BDH1: variants seen among roughly 807,000 people sequenced by gnomAD.
BDH1 encodes the protein D-beta-hydroxybutyrate dehydrogenase, mitochondrial.
BDH1 carries 30 observed loss-of-function variants against 33.1 expected under a neutral mutation model. The ratio of observed to expected loss-of-function variants is 0.91; its 90% CI spans 0.68 to 1.23. The LOEUF is 1.23. BDH1 is among the 50% of genes most tolerant of loss of function. The pLI is 0.00. For synonymous variants in BDH1, 190 were observed against 183.6 expected, an observed-to-expected ratio of 1.03 and a Z score of -0.28; for missense variants, 443 against 464.4, an observed-to-expected ratio of 0.95 and a Z score of 0.42.
chr3:197,529,785 C>T (rs1714471961), intron 5 of BDH1: 1 of 152,098 alleles, frequency 6.6e-6, no homozygotes, highest in South Asian at 2.1e-4. Context: ...TGAAATTTTA[C>T]GTTGGGTATC....
At chr3:197,533,689 T>G in intron 3 of BDH1, 128 bp from the exon 4 acceptor site, 1 of 815,186 alleles carries the variant, frequency 1.2e-6, no homozygotes. Flanking sequence ...TACAACTGAG[T>G]AAGAGGCCCT....
chr3:197,568,239 C>T (rs1369818276), intron 1 of BDH1, among the ~76,000 whole-genome samples: 1 of 152,132 alleles, frequency 6.6e-6, no homozygotes, highest in South Asian at 2.1e-4. Flanking sequence ...GCCCCAAACC[C>T]CACAGTCTTC....
At chr3:197,553,283 C>G (rs1414999302) in intron 2 of BDH1, among the ~76,000 whole-genome samples, 1 of 149,986 alleles carries the variant, frequency 6.7e-6, no homozygotes, top group Non-Finnish European at 1.5e-5. Flanking sequence ...GTAATCCCAG[C>G]ACTTTGGGAG....
At chr3:197,546,326 T>TC in intron 3 of BDH1, 35 bp downstream of exon 3, 12 of 1,606,150 alleles carry the variant, frequency 7.5e-6, no homozygotes, top group Non-Finnish European at 1.0e-5. Context: ...TCAGAAAGTG[T>TC]CCCCTCAAGG....
intron 2 of BDH1, among the ~76,000 whole-genome samples, chr3:197,553,085 T>C (rs988088701): frequency 6.6e-6 from 1 of 152,104 alleles, no homozygotes; most frequent in Non-Finnish European, 1.5e-5. Flanking sequence ...GCCTGGCTAA[T>C]TTTTGTATTT....
At chr3:197,561,477 T>C (rs1454726161) in intron 1 of BDH1, among the ~76,000 whole-genome samples, 1 of 151,848 alleles carries the variant, frequency 6.6e-6, no homozygotes, top group Admixed American at 6.6e-5. Context: ...TCGAGTTTTT[T>C]CCTGCTTTTA....
At chr3:197,556,767 G>A (rs565884087), upstream of BDH1, among the ~76,000 whole-genome samples, 1 of 152,306 alleles carries the variant, frequency 6.6e-6, no homozygotes, top group Admixed American at 6.5e-5. Flanking sequence ...GAGGGCCATC[G>A]GCCACAGATA....
intron 6 of BDH1, chr3:197,515,540 C>A (rs1256416380): frequency 4.1e-6 from 4 of 985,530 alleles, no homozygotes; most frequent in Non-Finnish European, 4.8e-6. Context: ...AGCCACTGAT[C>A]CTTCTCTCTC....
At chr3:197,559,243 GC>G (rs1560345835), upstream of BDH1, among the ~76,000 whole-genome samples, 1 of 151,856 alleles carries the variant, frequency 6.6e-6, no homozygotes, top group Non-Finnish European at 1.5e-5. Flanking sequence ...CAGATGATCT[GC>G]CCACCTCAGC....
chr3:197,559,479 C>G (rs924413522), upstream of BDH1, among the ~76,000 whole-genome samples: 13 of 152,196 alleles, frequency 8.5e-5, no homozygotes, highest in South Asian at 6.2e-4. Context: ...GATTCATGAA[C>G]TCATACTTTG....
intron 1 of BDH1, among the ~76,000 whole-genome samples, chr3:197,568,003 G>A (rs1717489622): frequency 6.6e-6 from 1 of 152,168 alleles, no homozygotes; most frequent in Admixed American, 6.5e-5. Context: ...TCCAATACCA[G>A]CTGAATTTAA....
intron 5 of BDH1, among the ~76,000 whole-genome samples, chr3:197,527,138 C>T (rs909944229): frequency 3.9e-5 from 6 of 152,224 alleles, no homozygotes; most frequent in African/African-American, 7.2e-5. Context: ...ACATGTTATA[C>T]GTCAGCATCT....
rs530436923 is a variant in BDH1, at chr3:197,540,942, G to C, written c.83+5419C>G. Among the ~76,000 whole-genome samples the C allele has an allele frequency of 1.4e-3, 210 of 152,276 alleles. 1 individual carries two copies. Among genetic ancestry groups the C allele is most frequent in the African/African-American group, 4.7e-3 (197 of 41,560 alleles). ...GACAAGGTGGGTAAGGTGGGGCTGT[G>C]AATACTCCTGGGCGGGCAGCTCCAG... On this transcript the variant is annotated intron_variant, in intron 3 of 7. Coordinates refer to ENST00000392379, the MANE Select transcript of BDH1 (RefSeq NM_203314.3).
At position 197,535,194 on chromosome 3, in the gene BDH1, C is replaced by T. The variant is rs115067404; in HGVS notation, c.84-1633G>A. The stretch of plus-strand genomic sequence containing the variant: ...GGAATTTGAGGAGAATGCAAACATT[C>T]GGACCATAGCACCCTATGTTTGGTA... On this transcript the variant is annotated intron_variant, in intron 3 of 7. Coordinates refer to ENST00000392379, the MANE Select transcript of BDH1 (RefSeq NM_203314.3). Among the ~76,000 whole-genome samples the T allele has an allele frequency of 6.4e-3, 982 of 152,310 alleles. 9 individuals carry two copies. Among genetic ancestry groups the T allele is most frequent in the African/African-American group, 0.022 (907 of 41,560 alleles).
chr3:197,559,908 A>G (rs576939498), upstream of BDH1, among the ~76,000 whole-genome samples: 7 of 152,240 alleles, frequency 4.6e-5, no homozygotes, highest in African/African-American at 1.7e-4. Context: ...GAACACAGAC[A>G]GTCTGTGGAA....
intron 5 of BDH1, among the ~76,000 whole-genome samples, chr3:197,531,435 A>ATGTG (rs1449889627): frequency 7.4e-4 from 108 of 146,008 alleles, no homozygotes; most frequent in African/African-American, 2.5e-3. Context: ...ATATATATAT[A>ATGTG]TGTGTATATA....
At chr3:197,550,504 C>T (rs958889438) in intron 2 of BDH1, among the ~76,000 whole-genome samples, 1 of 152,188 alleles carries the variant, frequency 6.6e-6, no homozygotes, top group African/African-American at 2.4e-5. Context: ...GCTGCAGAGA[C>T]TATGCTTTGG....
intron 3 of BDH1, among the ~76,000 whole-genome samples, chr3:197,536,365 T>A (rs769164883): frequency 6.6e-6 from 1 of 152,240 alleles, no homozygotes; most frequent in Non-Finnish European, 1.5e-5. Flanking sequence ...AGTAATCTTG[T>A]CTTCATCTAT....
Position 197,515,319 on chromosome 3 carries a change from C to T in BDH1, c.410-903G>A, listed in dbSNP as rs145367549. The stretch of plus-strand genomic sequence containing the variant: ...ATGAAGAGCTCACTCCCACTCTCCA[C>T]CAAAGCCTTGCGGGTGTCTCCCTGC... On this transcript the variant is annotated intron_variant, in intron 6 of 7. Transcript: ENST00000392379. 5.1e-6 allele frequency: 5 copies of T among 985,586 alleles called. No homozygotes were observed. In the African/African-American group the frequency reaches 8.7e-5, roughly 17 times the overall value. The allele number at this position is 985,586 out of a possible 1,614,324, so 61.1% of individuals were successfully genotyped here. A position where few individuals can be genotyped will look rare whatever the true frequency, so the allele number is the denominator to read the frequency against.
Sources: gnomAD v4.1 joint callset for allele counts (sites outside exome capture counted in the v4.1 genomes callset) on GRCh38, gnomAD v4.1.1 for gene constraint, MANE v1.5 for transcripts, NCBI Gene and HGNC (gene_info 2026-07-23, HGNC 2026-07-21) for gene names.